Variants in ME1 observed in about 807,000 individuals in gnomAD.
ME1 encodes malic enzyme 1, also known as NADP-dependent malic enzyme.
Under a neutral mutation model 66.4 loss-of-function variants are expected in ME1, and 74 were observed. That is an observed-to-expected ratio of 1.11 (90% CI 0.92 to 1.35). The LOEUF is 1.35. Among genes scored for constraint, ME1 ranks in the 40% most tolerant of loss-of-function variants. The pLI, the probability that ME1 is intolerant of heterozygous loss-of-function variation, is 0.00. For missense variants in ME1, 750 were observed against 694.1 expected (o/e 1.08, Z -0.90); for synonymous variants, 251 against 235.6 (o/e 1.07, Z -0.60).
chr6:83,309,083 C>T (rs1767882157), intron 6 of ME1, among the ~76,000 whole-genome samples: 1 of 152,066 alleles, frequency 6.6e-6, no homozygotes, highest in African/African-American at 2.4e-5. Flanking sequence ...AGAAAGGTAA[C>T]AGGAAGCCAG....
chr6:83,233,480 T>C (rs1364394608), intron 9 of ME1, among the ~76,000 whole-genome samples: 1 of 152,036 alleles, frequency 6.6e-6, no homozygotes, highest in Non-Finnish European at 1.5e-5. Flanking sequence ...ACTGCACATA[T>C]GGATATGGTG....
At chr6:83,263,539 T>C (rs993807515) in intron 6 of ME1, among the ~76,000 whole-genome samples, 6 of 152,032 alleles carry the variant, frequency 3.9e-5, no homozygotes, top group African/African-American at 1.4e-4. Context: ...AAAAAAGTCT[T>C]TTTTTGGGAG....
intron 3 of ME1, among the ~76,000 whole-genome samples, chr6:83,383,436 A>T (rs1769445868): frequency 6.6e-6 from 1 of 151,916 alleles, no homozygotes; most frequent in South Asian, 2.1e-4. Context: ...TTCTTCATTT[A>T]TTCACTTTAA....
intron 13 of ME1, among the ~76,000 whole-genome samples, chr6:83,214,504 T>G (rs1789955592): frequency 1.3e-5 from 2 of 152,234 alleles, no homozygotes; most frequent in Admixed American, 1.3e-4. Context: ...CATTCTGAAA[T>G]TGTCTCTTTC....
intron 1 of ME1, among the ~76,000 whole-genome samples, chr6:83,415,784 T>C (rs550851741): frequency 6.6e-6 from 1 of 152,288 alleles, no homozygotes; most frequent in Non-Finnish European, 1.5e-5. Flanking sequence ...TCAACTTTGG[T>C]TTGACCAAAA....
intron 9 of ME1, among the ~76,000 whole-genome samples, chr6:83,236,515 CT>C (rs1790405300): frequency 6.6e-6 from 1 of 152,226 alleles, no homozygotes; most frequent in East Asian, 1.9e-4. Flanking sequence ...TTTATATGTA[CT>C]TTTTTCTAGC....
rs138282893 is a variant in ME1, at chr6:83,343,187, T to C, written c.600+2986A>G. 3.6e-3 allele frequency among the ~76,000 whole-genome samples: 541 copies of C among 152,304 alleles called. 2 individuals are homozygous for C. The highest frequency in any genetic ancestry group is 0.012 in the African/African-American group (512 of 41,570). On this transcript the variant is annotated intron_variant, in intron 5 of 13. Coordinates refer to ENST00000369705, the MANE Select transcript of ME1 (RefSeq NM_002395.6). Reference sequence around the variant, plus strand: ...CCTCTATCCTGACATACACACACCCTTCCCAGCCTTTGGCAACTATCATTC... The same window carrying C: ...CCTCTATCCTGACATACACACACCCCTCCCAGCCTTTGGCAACTATCATTC...
intron 4 of ME1, among the ~76,000 whole-genome samples, chr6:83,347,138 G>A (rs1768703154): frequency 1.3e-5 from 2 of 151,984 alleles, no homozygotes; most frequent in Non-Finnish European, 2.9e-5. Context: ...ATTTTTAGTA[G>A]AGACAGGGTT....
intron 6 of ME1, among the ~76,000 whole-genome samples, chr6:83,281,668 T>G (rs926483886): frequency 2.0e-5 from 3 of 151,320 alleles, no homozygotes; most frequent in African/African-American, 7.3e-5. Flanking sequence ...TAGCCGAGTG[T>G]GGTGGTGGGA....
rs191333769 is a variant in ME1 at position 83,289,269 on chromosome 6, T to G, written c.704+26041A>C. On this transcript the variant is annotated intron_variant, in intron 6 of 13. Transcript: ENST00000369705. ...GCTTCCAGTTTTTGCCCATTCAGTA[T>G]GATATTGGCTATGGGTTTGTCATAA... Among the ~76,000 whole-genome samples the G allele has an allele frequency of 5.2e-3, 793 of 152,342 alleles. 5 individuals are homozygous for G. The highest frequency in any genetic ancestry group is 0.018 in the African/African-American group (742 of 41,578).
At chr6:83,329,396 T>C (rs1583384800) in intron 5 of ME1, among the ~76,000 whole-genome samples, 1 of 152,288 alleles carries the variant, frequency 6.6e-6, no homozygotes, top group Non-Finnish European at 1.5e-5. Context: ...TTCGTGTCAA[T>C]AGACAAACAT....
At chr6:83,429,440 A>G (rs534941682) in intron 1 of ME1, among the ~76,000 whole-genome samples, 1 of 152,294 alleles carries the variant, frequency 6.6e-6, no homozygotes, top group South Asian at 2.1e-4. Context: ...GTCAACCCAC[A>G]ACTTGGTCAT....
At chr6:83,416,903 A>G (rs1770169988) in intron 1 of ME1, among the ~76,000 whole-genome samples, 1 of 152,044 alleles carries the variant, frequency 6.6e-6, no homozygotes, top group South Asian at 2.1e-4. Flanking sequence ...TAAAAAAAAA[A>G]AAAAAAAAGT....
intron 1 of ME1, among the ~76,000 whole-genome samples, chr6:83,427,759 C>G (rs928560527): frequency 6.6e-6 from 1 of 152,074 alleles, no homozygotes; most frequent in African/African-American, 2.4e-5. Flanking sequence ...CGCCTGTAAT[C>G]CCAACACTTT....
intron 1 of ME1, among the ~76,000 whole-genome samples, chr6:83,428,574 A>G: frequency 6.6e-6 from 1 of 152,300 alleles, no homozygotes; most frequent in Non-Finnish European, 1.5e-5. Flanking sequence ...TTACAAAATA[A>G]TAAGAATAAA....
intron 6 of ME1, among the ~76,000 whole-genome samples, chr6:83,268,284 TAAAC>T (rs1767024417): frequency 6.6e-6 from 1 of 152,174 alleles, no homozygotes; most frequent in South Asian, 2.1e-4. Context: ...GTTGCCTAGA[TAAAC>T]AATAAGGTAT....
intron 5 of ME1, among the ~76,000 whole-genome samples, chr6:83,344,576 C>A (rs1194140602): frequency 1.3e-5 from 2 of 151,478 alleles, no homozygotes; most frequent in East Asian, 1.9e-4. Context: ...ACAGTGAGAC[C>A]CTGTCTTAAA....
Position 83,426,935 on chromosome 6 carries a change from T to A in ME1, c.78+3942A>T, listed in dbSNP as rs375706351. 2.6e-5 allele frequency among the ~76,000 whole-genome samples: 4 copies of A among 152,260 alleles called. No individual in the cohort carries two copies. The East Asian group carries it at 7.7e-4, about 29-fold the overall frequency. On this transcript the variant is annotated intron_variant, in intron 1 of 13. Coordinates refer to ENST00000369705, the MANE Select transcript of ME1 (RefSeq NM_002395.6). ...ACCATTGCAAAGGGAAATAAACTAA[T>A]TGAGAATAAAAAATAGGCATGATTA...
chr6:83,364,118 TGGGAA>T (rs1769054700), intron 3 of ME1, among the ~76,000 whole-genome samples: 2 of 152,040 alleles, frequency 1.3e-5, no homozygotes, highest in African/African-American at 2.4e-5. Context: ...GTCAGTGGGC[TGGGAA>T]AGGCATACCC....
Sources: gnomAD v4.1 joint callset for allele counts (sites outside exome capture counted in the v4.1 genomes callset) on GRCh38, gnomAD v4.1.1 for gene constraint, MANE v1.5 for transcripts, NCBI Gene and HGNC (gene_info 2026-07-23, HGNC 2026-07-21) for gene names.